The following TBC1D19 variants were observed in gnomAD, a reference collection of about 807,000 sequenced individuals.
TBC1D19 encodes TBC1 domain family member 19.
In TBC1D19, 60 loss-of-function variants were observed where a neutral mutation model predicts 89.0. That is an observed-to-expected ratio of 0.67 (90% CI 0.55 to 0.84). The LOEUF is 0.84. Among genes scored for constraint, TBC1D19 ranks in the 40% least tolerant of loss-of-function variants. The pLI, the probability that TBC1D19 is intolerant of heterozygous loss-of-function variation, is 0.00. For synonymous variants in TBC1D19, 189 were observed against 199.7 expected (o/e 0.95, Z 0.45); for missense variants, 500 against 610.8 (o/e 0.82, Z 1.91).
At chr4:26,796,282 C>T in the TBC1D19 span, among the ~76,000 whole-genome samples, 2 of 152,066 alleles carry the variant, frequency 1.3e-5, no homozygotes, top group African/African-American at 2.4e-5. Flanking sequence ...CCAAATTGCC[C>T]AGGGCTTATG....
At chr4:26,841,881 A>G in the TBC1D19 span, among the ~76,000 whole-genome samples, 1 of 152,238 alleles carries the variant, frequency 6.6e-6, no homozygotes, top group Admixed American at 6.5e-5. Flanking sequence ...TAATATTTAC[A>G]TCTAGAACTG....
the TBC1D19 span, among the ~76,000 whole-genome samples, chr4:26,779,171 G>A: frequency 8.3e-4 from 126 of 152,182 alleles, no homozygotes; most frequent in Admixed American, 1.9e-3. Context: ...GGTAGTTTCT[G>A]CTGCTCCTAA....
At chr4:26,612,020 A>T (rs949310252) in intron 1 of TBC1D19, among the ~76,000 whole-genome samples, 1 of 151,986 alleles carries the variant, frequency 6.6e-6, no homozygotes, top group South Asian at 2.1e-4. Context: ...GTTCAAATGT[A>T]TGTTTGTTGA....
the TBC1D19 span, among the ~76,000 whole-genome samples, chr4:26,802,458 T>C: frequency 6.6e-6 from 1 of 151,894 alleles, no homozygotes; most frequent in African/African-American, 2.4e-5. Flanking sequence ...AAAAATTAGC[T>C]GGGTGTGGTG....
intron 11 of TBC1D19, 130 bp downstream of exon 11, chr4:26,674,018 C>A: frequency 1.9e-6 from 1 of 528,254 alleles, no homozygotes; most frequent in South Asian, 3.0e-5. Flanking sequence ...TTTTCAAAAT[C>A]ACTATAGTTT....
chr4:26,790,108 CA>C, the TBC1D19 span, among the ~76,000 whole-genome samples: 1 of 152,138 alleles, frequency 6.6e-6, no homozygotes, highest in Non-Finnish European at 1.5e-5. Flanking sequence ...GTGATGGCTA[CA>C]CTAAACACCC....
chr4:26,734,824 A>T (rs1364979692), intron 15 of TBC1D19, among the ~76,000 whole-genome samples: 1 of 151,758 alleles, frequency 6.6e-6, no homozygotes, highest in Non-Finnish European at 1.5e-5. Flanking sequence ...TAGTTCTTAA[A>T]CTTAATTCTG....
chr4:26,750,885 A>G (rs1324665990), intron 19 of TBC1D19, among the ~76,000 whole-genome samples: 2 of 152,200 alleles, frequency 1.3e-5, no homozygotes, highest in African/African-American at 4.8e-5. Flanking sequence ...TTTCTGATCA[A>G]GTGGGTTACT....
rs572758166 is a variant in TBC1D19, at chr4:26,591,528, A to C, written c.99+7236A>C. 4.1e-4 allele frequency among the ~76,000 whole-genome samples: 63 copies of C among 152,334 alleles called. 1 individual carries two copies. The East Asian group carries it at 0.01, about 24-fold the overall frequency. On this transcript the variant is annotated intron_variant, in intron 1 of 20. Coordinates refer to ENST00000264866, the MANE Select transcript of TBC1D19 (RefSeq NM_018317.4). ...AAACAGAGACACAAAAAAACCCTTC[A>C]AAAAATCAATGAATCCAGGAACTGG...
intron 1 of TBC1D19, among the ~76,000 whole-genome samples, chr4:26,594,370 T>C (rs1324461795): frequency 1.3e-5 from 2 of 152,002 alleles, no homozygotes; most frequent in Admixed American, 6.5e-5. Flanking sequence ...GGGATAGCAT[T>C]AGGAGATATA....
At chr4:26,811,354 G>A in the TBC1D19 span, among the ~76,000 whole-genome samples, 24 of 152,336 alleles carry the variant, frequency 1.6e-4, 1 homozygote, top group Middle Eastern at 3.4e-3. Context: ...GGGGCCTGTC[G>A]TGGAGTGCTG....
the TBC1D19 span, among the ~76,000 whole-genome samples, chr4:26,789,947 A>C: frequency 1.3e-5 from 2 of 152,244 alleles, no homozygotes; most frequent in African/African-American, 4.8e-5. Context: ...CAAAAATTTA[A>C]ATATTGCATG....
intron 1 of TBC1D19, chr4:26,576,931 T>C (rs1738987088): frequency 2.2e-6 from 1 of 444,818 alleles, no homozygotes; most frequent in Non-Finnish European, 4.5e-6. Flanking sequence ...CAAACAGTAA[T>C]CTAGGTGTTG....
At chr4:26,793,234 G>A in the TBC1D19 span, among the ~76,000 whole-genome samples, 1 of 152,122 alleles carries the variant, frequency 6.6e-6, no homozygotes, top group Non-Finnish European at 1.5e-5. Flanking sequence ...GTCCTTCTCG[G>A]CCAGGAGACC....
the TBC1D19 span, among the ~76,000 whole-genome samples, chr4:26,823,437 GGTGACAATAACA>G: frequency 9.9e-5 from 15 of 152,260 alleles, no homozygotes; most frequent in African/African-American, 3.1e-4. Context: ...TAATGAGAGA[GGTGACAATAACA>G]GTGTTTCTGT....
At chr4:26,781,345 G>GA in the TBC1D19 span, among the ~76,000 whole-genome samples, 2 of 152,148 alleles carry the variant, frequency 1.3e-5, no homozygotes, top group Non-Finnish European at 2.9e-5. Flanking sequence ...AGGTTACCTG[G>GA]TTCTCTGCAA....
chr4:26,640,301 T>G (rs899959280), intron 7 of TBC1D19, 114 bp downstream of exon 7: 3 of 791,980 alleles, frequency 3.8e-6, no homozygotes, highest in African/African-American at 3.5e-5. Context: ...CCAGAGTCAC[T>G]GAAGCAGTAG....
At chr4:26,807,987 G>C in the TBC1D19 span, among the ~76,000 whole-genome samples, 1 of 152,222 alleles carries the variant, frequency 6.6e-6, no homozygotes, top group Non-Finnish European at 1.5e-5. Context: ...TAGTGAAAAA[G>C]TGATAAGTCA....
intron 7 of TBC1D19, among the ~76,000 whole-genome samples, chr4:26,653,793 A>C (rs1001126848): frequency 1.3e-5 from 2 of 152,172 alleles, no homozygotes; most frequent in African/African-American, 4.8e-5. Flanking sequence ...AGTCTCCTGA[A>C]TACAGCACAC....
Sources: gnomAD v4.1 joint callset for allele counts (sites outside exome capture counted in the v4.1 genomes callset) on GRCh38, gnomAD v4.1.1 for gene constraint, MANE v1.5 for transcripts, NCBI Gene and HGNC (gene_info 2026-07-23, HGNC 2026-07-21) for gene names.